CAMK2B: variants seen among roughly 807,000 people sequenced by gnomAD.
The protein encoded by CAMK2B is calcium/calmodulin dependent protein kinase II beta, also known as calcium/calmodulin-dependent protein kinase type II subunit beta.
Under a neutral mutation model 93.7 loss-of-function variants are expected in CAMK2B, and 27 were observed. That is an observed-to-expected ratio of 0.29 (90% confidence interval 0.21 to 0.40). The LOEUF is 0.40. Among genes scored for constraint, CAMK2B ranks in the 10% least tolerant of loss-of-function variants. The probability of loss-of-function intolerance (pLI) is 1.00; values close to 1 mark genes in which losing one functional copy is unlikely to be tolerated. For missense variants in CAMK2B, 568 were observed against 895.8 expected, an observed-to-expected ratio of 0.63 and a Z score of 4.67; for synonymous variants, 374 against 358.8, an observed-to-expected ratio of 1.04 and a Z score of -0.48.
intron 1 of CAMK2B, among the ~76,000 whole-genome samples, chr7:44,287,887 T>A (rs1364951092): frequency 2.0e-5 from 3 of 152,232 alleles, no homozygotes; most frequent in Admixed American, 6.5e-5. Context: ...CTGTTCACTT[T>A]TGCCACTCCC....
At chr7:44,234,238 G>A (rs777473518) in intron 15 of CAMK2B, 152 bp downstream of exon 15, 7 of 660,630 alleles carry the variant, frequency 1.1e-5, no homozygotes, top group East Asian at 2.8e-5. Flanking sequence ...CTTCACCACC[G>A]GTGAGGGATG....
intron 2 of CAMK2B, among the ~76,000 whole-genome samples, chr7:44,282,310 G>A (rs2097108538): frequency 6.6e-6 from 1 of 152,220 alleles, no homozygotes; most frequent in Non-Finnish European, 1.5e-5. Context: ...CCACGGGCTG[G>A]GCCCCAGGGG....
intron 19 of CAMK2B, among the ~76,000 whole-genome samples, chr7:44,228,458 G>T (rs894501824): frequency 6.6e-6 from 1 of 152,122 alleles, no homozygotes; most frequent in Non-Finnish European, 1.5e-5. Context: ...ACAGTGATCA[G>T]CAGAGAGGGC....
chr7:44,304,575 A>C (rs1484278961), intron 1 of CAMK2B, among the ~76,000 whole-genome samples: 3 of 152,224 alleles, frequency 2.0e-5, no homozygotes, highest in Non-Finnish European at 4.4e-5. Flanking sequence ...TCAAAAGACC[A>C]GTGACTGGCA....
At chr7:44,252,271 G>A (rs561282131) in intron 5 of CAMK2B, among the ~76,000 whole-genome samples, 102 of 152,052 alleles carry the variant, frequency 6.7e-4, no homozygotes, top group African/African-American at 2.4e-3. Flanking sequence ...TTCTGGGCAG[G>A]CTGACTCTCA....
rs1562786277 is a variant in CAMK2B, at chr7:44,225,851, C to T, written c.1597+665G>A. On this transcript the variant is annotated intron_variant, in intron 20 of 23. Transcript: ENST00000395749. The surrounding 1 kb of genome is among the most constrained non-coding windows in gnomAD (Gnocchi z 5.0). ...CACCACCCCCAGTCTGGTGTCTCCCCACAGGTGGGGGTGGCAGCAGCCCTG... is the reference window on the plus strand; with the variant it reads ...CACCACCCCCAGTCTGGTGTCTCCCTACAGGTGGGGGTGGCAGCAGCCCTG... 7.8e-7 allele frequency: 1 copy of T among 1,289,454 alleles called. No individual in the cohort carries two copies. The highest frequency in any genetic ancestry group is 1.0e-6 in the Non-Finnish European group (1 of 988,760). 79.9% of individuals were successfully genotyped at this position (1,289,454 alleles called of 1,614,324 possible).
At chr7:44,240,792 T>C (rs766497714) in intron 11 of CAMK2B, 43 bp from the exon 12 acceptor site, 1 of 1,600,296 alleles carries the variant, frequency 6.2e-7, no homozygotes, top group Non-Finnish European at 8.5e-7. Context: ...CCCATCAGTG[T>C]TCCCTGCTGG....
intron 2 of CAMK2B, among the ~76,000 whole-genome samples, chr7:44,269,940 A>G (rs976716612): frequency 2.6e-5 from 4 of 152,036 alleles, no homozygotes. Context: ...GGGACAAGGG[A>G]TGGCACTTCC....
chr7:44,280,187 C>A (rs2097091167), intron 2 of CAMK2B, among the ~76,000 whole-genome samples: 3 of 152,224 alleles, frequency 2.0e-5, no homozygotes, highest in African/African-American at 7.2e-5. Context: ...GTCTGACATG[C>A]CCCATGGTCC....
intron 9 of CAMK2B, 105 bp from the exon 10 acceptor site, chr7:44,242,445 G>T: frequency 1.3e-6 from 2 of 1,536,478 alleles, no homozygotes; most frequent in African/African-American, 1.4e-5. Flanking sequence ...GGGAGAGCAG[G>T]ACCCAGGACC....
chr7:44,289,810 G>T (rs562878664), intron 1 of CAMK2B, among the ~76,000 whole-genome samples: 2 of 152,222 alleles, frequency 1.3e-5, no homozygotes. Context: ...GCAGGGCAGC[G>T]CTGGGCCACG....
rs1174707271 is a variant in CAMK2B at position 44,276,762 on chromosome 7, G to A, written c.160+7369C>T. 2.0e-5 allele frequency among the ~76,000 whole-genome samples: 3 copies of A among 152,190 alleles called. No individual in the cohort carries two copies. The East Asian group carries it at 5.8e-4, about 29-fold the overall frequency. On this transcript the variant is annotated intron_variant, in intron 2 of 23. Transcript: ENST00000395749. ...CTTGTGAGGTCAGCCCCACCTGGGA[G>A]CCCCACGCTGGCCGAACCCTCGGCC...
intron 1 of CAMK2B, among the ~76,000 whole-genome samples, chr7:44,294,399 C>G (rs544002079): frequency 6.6e-6 from 1 of 152,308 alleles, no homozygotes; most frequent in South Asian, 2.1e-4. Context: ...ATTGCTCCCT[C>G]TCTGTCCCAG....
intron 1 of CAMK2B, among the ~76,000 whole-genome samples, chr7:44,301,085 A>G (rs1446476676): frequency 2.0e-5 from 3 of 152,214 alleles, no homozygotes; most frequent in Admixed American, 2.0e-4. Context: ...AAATGAAAAT[A>G]CAACTTATCA....
In CAMK2B at chr7:44,220,672, T is replaced by G; in HGVS notation, c.1712A>C (p.Glu571Ala). The stretch of plus-strand genomic sequence containing the variant: ...CCCTTCAACCAGGTTGCCCAGTGCT[T>G]CAGGCTCAAACGAGGTCAGCCCTGG... ...CDPGLTSFEP[E>A]ALGNLVEGMD... The change falls in exon 22 of 24, where the codon GAA (glutamate) becomes GCA (alanine). Residue 571 changes from glutamate to alanine, a missense_variant. Glu to Ala is a moderately radical substitution (Grantham distance 107, BLOSUM62 -1). Coordinates refer to ENST00000395749, the MANE Select transcript of CAMK2B (RefSeq NM_001220.5). The G allele has an allele frequency of 6.2e-7, 1 of 1,613,726 alleles. No homozygotes were observed. Among genetic ancestry groups the G allele is most frequent in the Non-Finnish European group, 8.5e-7 (1 of 1,179,952 alleles).
At chr7:44,315,461 G>T (rs1271732497) in intron 1 of CAMK2B, among the ~76,000 whole-genome samples, 1 of 152,188 alleles carries the variant, frequency 6.6e-6, no homozygotes, top group East Asian at 1.9e-4. Context: ...ACACCACACT[G>T]TCTTGATTGC....
In CAMK2B at chr7:44,220,807, C is replaced by A. The variant is rs377748772; in HGVS notation, c.1673+19G>T. The A allele has an allele frequency of 1.9e-4, 300 of 1,561,340 alleles. No individual in the cohort carries two copies. Among genetic ancestry groups the A allele is most frequent in the Admixed American group, 3.0e-4 (16 of 52,566 alleles). On this transcript the variant is annotated intron_variant, in intron 21 of 23. Coordinates refer to ENST00000395749, the MANE Select transcript of CAMK2B (RefSeq NM_001220.5). Reference sequence around the variant, plus strand: ...ACATCCTTGTCCTGCACAGCCCCCCCCCAGCCCCAGGGACTCACGCGTAGG... The same window carrying A: ...ACATCCTTGTCCTGCACAGCCCCCCACCAGCCCCAGGGACTCACGCGTAGG...
chr7:44,312,557 A>C lies in CAMK2B; in HGVS notation c.65+12800T>G, dbSNP rs925704315. 5.3e-5 allele frequency among the ~76,000 whole-genome samples: 8 copies of C among 152,124 alleles called. No homozygotes were observed. Among genetic ancestry groups the C allele is most frequent in the Admixed American group, 4.6e-4 (7 of 15,276 alleles). On this transcript the variant is annotated intron_variant, in intron 1 of 23. Transcript: ENST00000395749. The surrounding 1 kb of genome is among the most constrained non-coding windows in gnomAD (Gnocchi z 4.1). ...CTTCCCGGGAGGGGCTGCCCCATAA[A>C]GTGAGGGGGGTGCCCAGTGGCCATC...
chr7:44,325,435 G>C lies in CAMK2B; in HGVS notation c.-14C>G. Reference sequence around the variant, plus strand: ...CGTGGTGGCCATGGCGGCGGCGGACGGGCTCGGCGTGCGCTCGGCTGCGCT... The same window carrying C: ...CGTGGTGGCCATGGCGGCGGCGGACCGGCTCGGCGTGCGCTCGGCTGCGCT... On this transcript the variant is annotated 5_prime_UTR_variant, in exon 1 of 24. Transcript: ENST00000395749. 1 of 1,121,750 alleles carries C rather than the reference G, an allele frequency of 8.9e-7. No homozygotes were observed. Among genetic ancestry groups the C allele is most frequent in the Non-Finnish European group, 1.1e-6 (1 of 901,598 alleles). The allele number at this position is 1,121,750 out of a possible 1,614,324, so 69.5% of individuals were successfully genotyped here.
Sources: allele counts gnomAD v4.1 joint callset (sites outside exome capture counted in the v4.1 genomes callset), GRCh38; gene constraint gnomAD v4.1.1; non-coding constraint Gnocchi (gnomAD v3.1); transcripts MANE v1.5; gene names NCBI Gene and HGNC (gene_info 2026-07-23, HGNC 2026-07-21).